Variants in PTPRK observed in about 807,000 individuals in gnomAD.
PTPRK encodes receptor-type tyrosine-protein phosphatase kappa.
In PTPRK, 75 loss-of-function variants were observed where a neutral mutation model predicts 178.0. The ratio of observed to expected loss-of-function variants is 0.42; its 90% CI spans 0.35 to 0.51. The LOEUF (loss-of-function observed/expected upper bound fraction) is 0.51, where lower values mean the gene tolerates loss of function less well. Among genes scored for constraint, PTPRK ranks in the 20% least tolerant of loss-of-function variants. The probability of loss-of-function intolerance (pLI) is 0.02; values close to 1 mark genes in which losing one functional copy is unlikely to be tolerated. For synonymous variants in PTPRK, 637 were observed against 620.6 expected (o/e 1.03, Z -0.39); for missense variants, 1,441 against 1,797.8 (o/e 0.80, Z 3.59).
intron 3 of PTPRK, among the ~76,000 whole-genome samples, chr6:128,270,732 T>C (rs73594676): frequency 0.037 from 5,663 of 152,240 alleles, 347 homozygotes; most frequent in African/African-American, 0.13. Context: ...TTGCAAATTT[T>C]TCAGATAGTA....
chr6:128,175,402 T>A (rs894259886), intron 7 of PTPRK, among the ~76,000 whole-genome samples: 1 of 151,848 alleles, frequency 6.6e-6, no homozygotes, highest in African/African-American at 2.4e-5. Context: ...GGTACATTCA[T>A]GATCTTCACC....
At chr6:128,036,785 G>T (rs957823714) in intron 13 of PTPRK, among the ~76,000 whole-genome samples, 1 of 151,570 alleles carries the variant, frequency 6.6e-6, no homozygotes, top group Non-Finnish European at 1.5e-5. Context: ...ACCCAGGCTG[G>T]AGTGCAATGG....
At chr6:128,009,502 A>G (rs1778817394) in intron 13 of PTPRK, among the ~76,000 whole-genome samples, 1 of 151,200 alleles carries the variant, frequency 6.6e-6, no homozygotes, top group Non-Finnish European at 1.5e-5. Context: ...AAACCTCCAC[A>G]ATAAATATCA....
At chr6:128,499,155 T>C (rs1460767086) in intron 1 of PTPRK, among the ~76,000 whole-genome samples, 1 of 151,148 alleles carries the variant, frequency 6.6e-6, no homozygotes, top group African/African-American at 2.4e-5. Flanking sequence ...ATAGGAAAAG[T>C]AAATAAAAAA....
At chr6:128,127,319 A>T (rs1048293556) in intron 7 of PTPRK, among the ~76,000 whole-genome samples, 6 of 152,102 alleles carry the variant, frequency 3.9e-5, no homozygotes, top group East Asian at 1.9e-4. Context: ...TTTATTGATT[A>T]TCTACAAAAT....
intron 7 of PTPRK, among the ~76,000 whole-genome samples, chr6:128,144,740 T>C (rs1472867058): frequency 6.6e-6 from 1 of 152,190 alleles, no homozygotes; most frequent in African/African-American, 2.4e-5. Flanking sequence ...GTATTTAAAT[T>C]ATACTTGCCA....
At chr6:127,996,512 C>T (rs575105925) in intron 17 of PTPRK, among the ~76,000 whole-genome samples, 8 of 152,280 alleles carry the variant, frequency 5.3e-5, no homozygotes, top group African/African-American at 1.4e-4. Flanking sequence ...CGCTTTGTCG[C>T]CCAGGCTGGA....
At chr6:128,100,719 T>G (rs948780178) in intron 7 of PTPRK, among the ~76,000 whole-genome samples, 3 of 151,936 alleles carry the variant, frequency 2.0e-5, no homozygotes, top group Non-Finnish European at 4.4e-5. Context: ...GAAATTCCTC[T>G]TGATATATAC....
chr6:128,351,655 T>A (rs1395806542), intron 2 of PTPRK, among the ~76,000 whole-genome samples: 1 of 152,140 alleles, frequency 6.6e-6, no homozygotes, highest in African/African-American at 2.4e-5. Context: ...GCAAAAACTT[T>A]CAAACATTTT....
intron 2 of PTPRK, among the ~76,000 whole-genome samples, chr6:128,344,232 C>T (rs1832085654): frequency 6.6e-6 from 1 of 152,072 alleles, no homozygotes; most frequent in Admixed American, 6.6e-5. Flanking sequence ...TCAACAGCAC[C>T]AAGGTGAATA....
chr6:128,430,522 A>C (rs1844699994), intron 1 of PTPRK, among the ~76,000 whole-genome samples: 1 of 152,212 alleles, frequency 6.6e-6, no homozygotes, highest in Non-Finnish European at 1.5e-5. Context: ...ATGAGACTAA[A>C]ATATATTACC....
chr6:128,317,064 T>C (rs189026421), intron 3 of PTPRK, among the ~76,000 whole-genome samples: 2 of 152,326 alleles, frequency 1.3e-5, no homozygotes, highest in Admixed American at 1.3e-4. Flanking sequence ...TAAGCCACGA[T>C]GACCGTGTTA....
At chr6:128,162,682 T>C (rs1798865634) in intron 7 of PTPRK, among the ~76,000 whole-genome samples, 1 of 151,760 alleles carries the variant, frequency 6.6e-6, no homozygotes, top group Admixed American at 6.6e-5. Flanking sequence ...GGTCCATTAA[T>C]CGTAAACTTT....
intron 7 of PTPRK, among the ~76,000 whole-genome samples, chr6:128,103,513 C>A (rs1789142890): frequency 6.6e-6 from 1 of 152,094 alleles, no homozygotes; most frequent in Non-Finnish European, 1.5e-5. Context: ...AAGTGCTCAC[C>A]CTGGTTCCTG....
chr6:128,419,436 C>T (rs1463497936), intron 1 of PTPRK, among the ~76,000 whole-genome samples: 1 of 137,582 alleles, frequency 7.3e-6, no homozygotes, highest in African/African-American at 2.8e-5. Flanking sequence ...CACGGTGAAA[C>T]CCCGTCTCTA....
chr6:128,198,458 A>T (rs1475841079), intron 6 of PTPRK, among the ~76,000 whole-genome samples: 1 of 151,730 alleles, frequency 6.6e-6, no homozygotes, highest in Non-Finnish European at 1.5e-5. Flanking sequence ...AACATTATAC[A>T]CCATGGCCTG....
intron 6 of PTPRK, 23 bp downstream of exon 6, chr6:128,218,898 GA>G: frequency 1.3e-6 from 2 of 1,581,216 alleles, no homozygotes; most frequent in Non-Finnish European, 1.7e-6. Flanking sequence ...GCAATTTCGT[GA>G]AGTGAAAACA....
At position 128,169,576 on chromosome 6, in the gene PTPRK, C is replaced by T. The variant is rs181207149; in HGVS notation, c.1162+14856G>A. On this transcript the variant is annotated intron_variant, in intron 7 of 29. Coordinates refer to ENST00000368226, the MANE Select transcript of PTPRK (RefSeq NM_002844.4). ...ATTATTTCCTGATCTCCACAAGTAT[C>T]ACATAGGGTATTTTTTATTGTTATT... 4.2e-3 allele frequency among the ~76,000 whole-genome samples: 646 copies of T among 152,006 alleles called. 1 individual carries two copies. The highest frequency in any genetic ancestry group is 7.9e-3 in the Non-Finnish European group (538 of 67,908).
chr6:127,980,332 C>T (rs541079168), intron 25 of PTPRK, among the ~76,000 whole-genome samples: 1 of 151,150 alleles, frequency 6.6e-6, no homozygotes, highest in Non-Finnish European at 1.5e-5. Flanking sequence ...CAACAACAAA[C>T]AAACAAAATA....
Sources: gnomAD v4.1 joint callset for allele counts (sites outside exome capture counted in the v4.1 genomes callset) on GRCh38, gnomAD v4.1.1 for gene constraint, MANE v1.5 for transcripts, NCBI Gene and HGNC (gene_info 2026-07-23, HGNC 2026-07-21) for gene names.